The following SIL1 variants were observed in gnomAD, a reference collection of about 807,000 sequenced individuals.
The protein encoded by SIL1 is SIL1 nucleotide exchange factor, also known as nucleotide exchange factor SIL1.
SIL1 carries 40 observed loss-of-function variants against 49.1 expected under a neutral mutation model. That is an observed-to-expected ratio of 0.81 (90% CI 0.63 to 1.06). The LOEUF is 1.06. Ranked by LOEUF, SIL1 falls within the 50% of genes least tolerant of loss-of-function variation. The pLI is 0.00. For synonymous variants in SIL1, 253 were observed against 250.8 expected (o/e 1.01, Z -0.08); for missense variants, 500 against 572.6 (o/e 0.87, Z 1.29).
intron 1 of SIL1, among the ~76,000 whole-genome samples, chr5:139,164,527 G>C (rs948129966): frequency 6.6e-6 from 1 of 152,042 alleles, no homozygotes; most frequent in African/African-American, 2.4e-5. Context: ...CCCTAGGGTC[G>C]GGCCCATGGG....
At chr5:139,045,779 A>G (rs1455300453) in intron 4 of SIL1, among the ~76,000 whole-genome samples, 1 of 152,180 alleles carries the variant, frequency 6.6e-6, no homozygotes, top group Non-Finnish European at 1.5e-5. Context: ...AAGTTCCAAA[A>G]TGAGGCTTTA....
intron 4 of SIL1, among the ~76,000 whole-genome samples, chr5:139,044,880 C>A (rs1033672047): frequency 6.6e-6 from 1 of 152,158 alleles, no homozygotes; most frequent in Non-Finnish European, 1.5e-5. Context: ...CACTCACTAT[C>A]CCCAGCTTTT....
At chr5:139,064,967 G>A (rs753970345) in intron 3 of SIL1, among the ~76,000 whole-genome samples, 7 of 152,174 alleles carry the variant, frequency 4.6e-5, no homozygotes, top group African/African-American at 7.2e-5. Flanking sequence ...CCTGGCTCTT[G>A]CCTCTCTGTG....
chr5:139,054,191 G>A (rs1438121553), intron 3 of SIL1, among the ~76,000 whole-genome samples: 1 of 152,172 alleles, frequency 6.6e-6, no homozygotes, highest in Non-Finnish European at 1.5e-5. Context: ...CAAGGCAAGT[G>A]GATCACTTGA....
chr5:138,979,814 A>G (rs1446142223), intron 7 of SIL1, among the ~76,000 whole-genome samples: 3 of 152,216 alleles, frequency 2.0e-5, no homozygotes. Context: ...AGCTGTAAAG[A>G]GTGAGAGAAT....
intron 1 of SIL1, among the ~76,000 whole-genome samples, chr5:139,129,824 G>T (rs1240658838): frequency 6.6e-6 from 1 of 152,158 alleles, no homozygotes; most frequent in East Asian, 1.9e-4. Flanking sequence ...TTTAGCACTG[G>T]TTTCTTAAAT....
At chr5:139,151,706 C>T (rs1329888347) in intron 1 of SIL1, among the ~76,000 whole-genome samples, 1 of 152,110 alleles carries the variant, frequency 6.6e-6, no homozygotes, top group African/African-American at 2.4e-5. Flanking sequence ...GGTCCCAACC[C>T]ACCACCAAGG....
At chr5:138,997,118 A>G (rs1767887342) in intron 7 of SIL1, among the ~76,000 whole-genome samples, 1 of 151,884 alleles carries the variant, frequency 6.6e-6, no homozygotes. Context: ...TTTATAGAGA[A>G]GGGGTCTCAC....
chr5:139,071,752 C>T (rs1581077759), intron 3 of SIL1, among the ~76,000 whole-genome samples: 1 of 151,050 alleles, frequency 6.6e-6, no homozygotes, highest in East Asian at 2.0e-4. Flanking sequence ...ACTGCAACCT[C>T]CACCTTCCCG....
rs572051252 is a variant in SIL1 at position 139,169,829 on chromosome 5, C to T, written c.-11+28440G>A. ...AAAAAAGCTCTACTCCCTCTCCCCT[C>T]TCCCCTCTCCCTCTCCCCACGGTCT... On this transcript the variant is annotated intron_variant, in intron 1 of 9. Transcript: ENST00000394817. Among the ~76,000 whole-genome samples, 4 of 106,028 alleles carry T rather than the reference C, an allele frequency of 3.8e-5. No homozygotes were observed. The East Asian group carries it at 9.0e-4, about 24-fold the overall frequency. 69.6% of individuals were successfully genotyped at this position (106,028 alleles called of 152,430 possible). A position where few individuals can be genotyped will look rare whatever the true frequency, so the allele number is the denominator to read the frequency against.
intron 7 of SIL1, among the ~76,000 whole-genome samples, chr5:138,971,666 T>C (rs1767280299): frequency 6.6e-6 from 1 of 152,154 alleles, no homozygotes; most frequent in South Asian, 2.1e-4. Context: ...CACCAATGGT[T>C]TCACAGGATA....
intron 2 of SIL1, among the ~76,000 whole-genome samples, chr5:139,121,709 G>A (rs1246022232): frequency 6.6e-6 from 1 of 152,186 alleles, no homozygotes; most frequent in African/African-American, 2.4e-5. Context: ...ATTCCCCAGT[G>A]TGCCTATGAG....
intron 7 of SIL1, among the ~76,000 whole-genome samples, chr5:138,996,482 C>T (rs570781878): frequency 6.7e-6 from 1 of 149,902 alleles, no homozygotes; most frequent in South Asian, 2.1e-4. Context: ...GTTGTCTCTC[C>T]ACTTTGTTGG....
intron 7 of SIL1, among the ~76,000 whole-genome samples, chr5:138,971,667 T>C (rs1302572865): frequency 2.6e-5 from 4 of 152,198 alleles, no homozygotes; most frequent in African/African-American, 7.2e-5. Context: ...ACCAATGGTT[T>C]CACAGGATAG....
intron 3 of SIL1, among the ~76,000 whole-genome samples, chr5:139,100,439 T>C (rs781687638): frequency 3.3e-5 from 5 of 152,192 alleles, no homozygotes; most frequent in Non-Finnish European, 7.3e-5. Context: ...GTGAGCCGCA[T>C]CACAGAGCTG....
intron 7 of SIL1, among the ~76,000 whole-genome samples, chr5:138,956,106 G>A (rs189786771): frequency 6.6e-6 from 1 of 152,350 alleles, no homozygotes; most frequent in East Asian, 1.9e-4. Flanking sequence ...ACATTTCTAA[G>A]TGCAACAAAT....
chr5:139,026,688 T>G, intron 6 of SIL1, 113 bp downstream of exon 6: 1 of 968,304 alleles, frequency 1.0e-6, no homozygotes. Context: ...AAAAATAGTC[T>G]GTGCTCTGGG....
chr5:138,987,690 T>C (rs6596457), intron 7 of SIL1, among the ~76,000 whole-genome samples: 66,286 of 152,024 alleles, frequency 0.44, 15,687 homozygotes, highest in African/African-American at 0.64. Context: ...GCCCTCTTAC[T>C]ACACCCATCT....
intron 7 of SIL1, among the ~76,000 whole-genome samples, chr5:138,954,020 C>G (rs868818483): frequency 5.3e-5 from 8 of 152,138 alleles, no homozygotes; most frequent in Admixed American, 3.3e-4. Context: ...GCTGGGCAAC[C>G]AAAGCCCTTC....
Sources: gnomAD v4.1 joint callset for allele counts (sites outside exome capture counted in the v4.1 genomes callset) on GRCh38, gnomAD v4.1.1 for gene constraint, MANE v1.5 for transcripts, NCBI Gene and HGNC (gene_info 2026-07-23, HGNC 2026-07-21) for gene names.